The following PLXNA4 variants were observed in gnomAD, a reference collection of about 807,000 sequenced individuals.
PLXNA4 encodes the protein plexin A4.
A neutral mutation model predicts 191.8 loss-of-function variants in PLXNA4; 44 were observed. That is an observed-to-expected ratio of 0.23 (90% CI 0.18 to 0.29). PLXNA4 has a LOEUF of 0.29. PLXNA4 is among the 10% of genes least tolerant of loss of function. The probability of loss-of-function intolerance (pLI) is 1.00; values close to 1 mark genes in which losing one functional copy is unlikely to be tolerated. For synonymous variants in PLXNA4, 1,082 were observed against 1,009.5 expected (o/e 1.07, Z -1.36); for missense variants, 1,800 against 2,488.8 (o/e 0.72, Z 5.89).
At chr7:132,489,603 A>T in intron 2 of PLXNA4, 129 bp from the exon 3 acceptor site, 1 of 879,972 alleles carries the variant, frequency 1.1e-6, no homozygotes, top group East Asian at 2.7e-5. Context: ...CCTCTTTTTT[A>T]CATGAAAAAC....
chr7:132,475,441 A>G (rs1331419496), intron 3 of PLXNA4, among the ~76,000 whole-genome samples: 1 of 152,172 alleles, frequency 6.6e-6, no homozygotes, highest in African/African-American at 2.4e-5. Context: ...ATAGAGATGA[A>G]CTTCATTTCA....
intron 4 of PLXNA4, among the ~76,000 whole-genome samples, chr7:132,243,742 T>C (rs931420350): frequency 2.0e-5 from 3 of 150,850 alleles, no homozygotes; most frequent in Non-Finnish European, 4.4e-5. Flanking sequence ...TCTGGCACTT[T>C]ATAAGTGACG....
At chr7:132,137,014 G>A (rs557845381) in intron 30 of PLXNA4, among the ~76,000 whole-genome samples, 161 of 152,280 alleles carry the variant, frequency 1.1e-3, no homozygotes, top group Middle Eastern at 3.4e-3. Context: ...GAGCTGCAAA[G>A]AAAGGGTCAA....
At position 132,453,357 on chromosome 7, in the gene PLXNA4, C is replaced by T. The variant is rs1342090472; in HGVS notation, c.1371+35935G>A. On this transcript the variant is annotated intron_variant, in intron 3 of 31. Coordinates refer to ENST00000321063, the MANE Select transcript of PLXNA4 (RefSeq NM_020911.2). ...CCAATTATGACCCTAGGACTAGCTACAGCTGCATCACTCAGCCCTTGTGAG... is the reference window on the plus strand; with the variant it reads ...CCAATTATGACCCTAGGACTAGCTATAGCTGCATCACTCAGCCCTTGTGAG... Among the ~76,000 whole-genome samples, 4 of 152,138 alleles carry T rather than the reference C, an allele frequency of 2.6e-5. No homozygotes were observed. The East Asian group carries it at 7.7e-4, about 29-fold the overall frequency.
intron 4 of PLXNA4, among the ~76,000 whole-genome samples, chr7:132,284,008 C>T (rs1257413678): frequency 2.0e-5 from 3 of 152,144 alleles, no homozygotes; most frequent in East Asian, 1.9e-4. Context: ...CTCATCTCTA[C>T]ACAAAATTTT....
Position 132,298,162 on chromosome 7 carries a change from G to C in PLXNA4, c.1432C>G (p.Pro478Ala). The change falls in exon 4 of 32, where the codon CCC becomes GCC. Residue 478 changes from proline (P) to alanine (A), a missense_variant. By Grantham distance (27) the Pro-to-Ala change is conservative. Coordinates refer to ENST00000321063, the MANE Select transcript of PLXNA4 (RefSeq NM_020911.2). The part of the protein sequence containing the change: ...LQYETVQVVD[P>A]GPVLRDMAFS... Reference sequence around the variant, plus strand: ...GCCATATCCCGGAGGACTGGGCCGGGGTCCACCACCTGCACCGTCTCATAC... The same window carrying C: ...GCCATATCCCGGAGGACTGGGCCGGCGTCCACCACCTGCACCGTCTCATAC... 1.9e-6 allele frequency: 3 copies of C among 1,614,140 alleles called. No homozygotes were observed. The highest frequency in any genetic ancestry group is 3.3e-4 in the Middle Eastern group (2 of 6,062).
intron 13 of PLXNA4, among the ~76,000 whole-genome samples, chr7:132,195,131 A>G (rs1383117916): frequency 1.3e-5 from 2 of 152,220 alleles, no homozygotes; most frequent in African/African-American, 4.8e-5. Context: ...GTGTTTTTAC[A>G]TATATACAAT....
Position 132,454,542 on chromosome 7 carries a change from C to T in PLXNA4, c.1371+34750G>A, listed in dbSNP as rs1210492781. Among the ~76,000 whole-genome samples the T allele has an allele frequency of 2.6e-5, 4 of 151,972 alleles. No individual in the cohort carries two copies. The South Asian group carries it at 8.3e-4, about 32-fold the overall frequency. ...AAGGACGTTGTTCTGAGCTGAAGTG[C>T]GCCCCCCCAACCATGTCACTGCCTT... On this transcript the variant is annotated intron_variant, in intron 3 of 31. Coordinates refer to ENST00000321063, the MANE Select transcript of PLXNA4 (RefSeq NM_020911.2).
chr7:132,576,499 G>A, upstream of PLXNA4: 1 of 985,832 alleles, frequency 1.0e-6, no homozygotes, highest in Non-Finnish European at 1.2e-6. The surrounding 1 kb of genome is among the most constrained non-coding windows in gnomAD (Gnocchi z 5.8). Flanking sequence ...GCTGCCTCTC[G>A]CCCTCCTCTG....
chr7:132,538,397 G>C (rs1353830167), intron 1 of PLXNA4, among the ~76,000 whole-genome samples: 1 of 152,216 alleles, frequency 6.6e-6, no homozygotes, highest in African/African-American at 2.4e-5. Context: ...CTGCTTCCAG[G>C]CAAGGTGAAT....
intron 1 of PLXNA4, among the ~76,000 whole-genome samples, chr7:132,552,348 A>T (rs2116579154): frequency 6.6e-6 from 1 of 152,324 alleles, no homozygotes; most frequent in South Asian, 2.1e-4. Context: ...CACTTGGTCA[A>T]AAAGAAGTCA....
At chr7:132,496,663 A>G (rs4731873) in intron 2 of PLXNA4, among the ~76,000 whole-genome samples, 1,888 of 152,258 alleles carry the variant, frequency 0.012, 23 homozygotes, top group Non-Finnish European at 0.019. Context: ...GCCTCCCAAA[A>G]TGCTGAGATT....
intron 21 of PLXNA4, among the ~76,000 whole-genome samples, chr7:132,171,821 C>T (rs1017889673): frequency 5.3e-5 from 8 of 152,104 alleles, no homozygotes; most frequent in Non-Finnish European, 8.8e-5. Context: ...TCTATTGCCT[C>T]GTCTGTAAAA....
intron 25 of PLXNA4, among the ~76,000 whole-genome samples, chr7:132,154,029 C>T (rs1478492935): frequency 1.3e-5 from 2 of 152,190 alleles, no homozygotes; most frequent in Non-Finnish European, 2.9e-5. Flanking sequence ...TCGACCTGCA[C>T]AGTCCACGCA....
intron 4 of PLXNA4, among the ~76,000 whole-genome samples, chr7:132,251,350 G>A (rs1325613384): frequency 6.6e-6 from 1 of 152,168 alleles, no homozygotes; most frequent in African/African-American, 2.4e-5. Flanking sequence ...GGAACCTACT[G>A]TTGTGTGTTT....
chr7:132,383,599 G>A (rs1585061200), intron 3 of PLXNA4: 1 of 984,206 alleles, frequency 1.0e-6, no homozygotes, highest in Non-Finnish European at 1.2e-6. Context: ...TTACAAGATT[G>A]GCCTTTATAA....
chr7:132,512,047 G>C (rs986186570), intron 1 of PLXNA4, among the ~76,000 whole-genome samples: 13 of 152,204 alleles, frequency 8.5e-5, no homozygotes, highest in Non-Finnish European at 1.2e-4. Context: ...TCCAGCCTTT[G>C]TCTGAAAGAG....
intron 2 of PLXNA4, among the ~76,000 whole-genome samples, chr7:132,625,322 C>T (rs1243861420): frequency 6.6e-6 from 1 of 152,130 alleles, no homozygotes; most frequent in Non-Finnish European, 1.5e-5. Context: ...CAAGGGATCC[C>T]TAACTCTGCT....
chr7:132,138,382 G>A (rs564846967), intron 30 of PLXNA4, among the ~76,000 whole-genome samples: 33 of 152,248 alleles, frequency 2.2e-4, no homozygotes, highest in African/African-American at 7.5e-4. Context: ...ATGGGGAGGC[G>A]GGAGATCAGG....
Sources: allele counts gnomAD v4.1 joint callset (sites outside exome capture counted in the v4.1 genomes callset), GRCh38; gene constraint gnomAD v4.1.1; non-coding constraint Gnocchi (gnomAD v3.1); transcripts MANE v1.5; gene names NCBI Gene and HGNC (gene_info 2026-07-23, HGNC 2026-07-21).